Variants in DIAPH2 observed in about 807,000 individuals in gnomAD.
The protein encoded by DIAPH2 is protein diaphanous homolog 2.
DIAPH2 carries 35 observed loss-of-function variants against 92.7 expected under a neutral mutation model. The observed-to-expected ratio is 0.38, with a 90% CI of 0.29 to 0.50. The LOEUF is 0.50. DIAPH2 is among the 20% of genes least tolerant of loss of function. The pLI is 0.94. For missense variants in DIAPH2, 701 were observed against 819.5 expected, an observed-to-expected ratio of 0.86 and a Z score of 1.77; for synonymous variants, 301 against 280.4, an observed-to-expected ratio of 1.07 and a Z score of -0.73.
chrX:97,470,861 A>G (rs1206174891), intron 26 of DIAPH2, among the ~76,000 whole-genome samples: 1 of 110,879 alleles, frequency 9.0e-6, no homozygotes, highest in Non-Finnish European at 1.9e-5. Flanking sequence ...AAGCTTCCAC[A>G]TATATTATTT....
intron 17 of DIAPH2, among the ~76,000 whole-genome samples, chrX:97,008,913 G>T (rs1163480462): frequency 9.0e-6 from 1 of 111,087 alleles, no homozygotes; most frequent in African/African-American, 3.3e-5. Flanking sequence ...AAGGCGTATG[G>T]TAAACACTGC....
At chrX:97,195,726 C>T (rs2067697311) in intron 22 of DIAPH2, among the ~76,000 whole-genome samples, 1 of 108,390 alleles carries the variant, frequency 9.2e-6, no homozygotes, top group African/African-American at 3.4e-5. Context: ...AAGTCTAAGC[C>T]CGCACTGGCC....
chrX:97,403,037 C>A (rs936981706), intron 25 of DIAPH2, among the ~76,000 whole-genome samples: 16 of 111,899 alleles, frequency 1.4e-4, no homozygotes, highest in African/African-American at 4.9e-4. Context: ...TTCAAGATGG[C>A]AGCAGCAGAG....
chrX:96,880,556 T>G (rs1833566890), intron 4 of DIAPH2, among the ~76,000 whole-genome samples: 1 of 111,676 alleles, frequency 9.0e-6, no homozygotes, highest in African/African-American at 3.2e-5. Context: ...TGGGGAAAAA[T>G]TCCTTTCCTT....
At chrX:96,825,445 G>C (rs1370754891) in intron 4 of DIAPH2, among the ~76,000 whole-genome samples, 2 of 105,954 alleles carry the variant, frequency 1.9e-5, no homozygotes, top group South Asian at 4.3e-4. Flanking sequence ...TTTTTAAGTA[G>C]GTTTTTTTAT....
At chrX:97,095,771 G>C (rs1042319001) in intron 19 of DIAPH2, among the ~76,000 whole-genome samples, 8 of 111,929 alleles carry the variant, frequency 7.1e-5, no homozygotes, top group Admixed American at 2.9e-4. Flanking sequence ...AATGTAAAAA[G>C]TAGTTAAAAG....
At chrX:97,167,877 A>C (rs766639053) in intron 22 of DIAPH2, among the ~76,000 whole-genome samples, 15 of 111,191 alleles carry the variant, frequency 1.3e-4, no homozygotes, top group Non-Finnish European at 1.9e-5. Context: ...GCCATTAAAA[A>C]GACTGTTAGG....
chrX:97,237,728 C>T (rs1337944827), intron 22 of DIAPH2, among the ~76,000 whole-genome samples: 2 of 110,411 alleles, frequency 1.8e-5, no homozygotes, highest in African/African-American at 6.6e-5. Context: ...ACCACAGGCG[C>T]CTGCCACCGC....
intron 17 of DIAPH2, among the ~76,000 whole-genome samples, chrX:97,052,277 G>A (rs570389170): frequency 9.0e-5 from 10 of 110,912 alleles, no homozygotes; most frequent in African/African-American, 3.3e-4. Context: ...GTTTGAGGGT[G>A]GGGGAAAGAT....
At chrX:97,190,522 G>A (rs965211490) in intron 22 of DIAPH2, among the ~76,000 whole-genome samples, 13 of 111,919 alleles carry the variant, frequency 1.2e-4, no homozygotes, top group African/African-American at 4.2e-4. Context: ...CCTCACTGGG[G>A]ATGCTGTCCC....
chrX:97,498,613 A>G (rs1208022897), intron 26 of DIAPH2, among the ~76,000 whole-genome samples: 1 of 111,605 alleles, frequency 9.0e-6, no homozygotes, highest in East Asian at 2.8e-4. Context: ...AATATTCTGT[A>G]TATTGAGCCC....
At chrX:97,225,766 G>GA (rs1347646942) in intron 22 of DIAPH2, among the ~76,000 whole-genome samples, 5 of 111,226 alleles carry the variant, frequency 4.5e-5, no homozygotes, top group African/African-American at 6.5e-5. Context: ...GTATTTTTAA[G>GA]AAAAAAACCT....
intron 4 of DIAPH2, among the ~76,000 whole-genome samples, chrX:96,840,002 A>G (rs1048722237): frequency 2.7e-5 from 3 of 112,373 alleles, no homozygotes; most frequent in Non-Finnish European, 5.6e-5. Context: ...AAAAAGTAAA[A>G]AGAAACAGGT....
At chrX:97,413,218 G>C (rs1286265127) in intron 25 of DIAPH2, among the ~76,000 whole-genome samples, 1 of 111,129 alleles carries the variant, frequency 9.0e-6, no homozygotes, top group Non-Finnish European at 1.9e-5. Flanking sequence ...TGATCAAGTT[G>C]GCTTCATCCC....
intron 5 of DIAPH2, among the ~76,000 whole-genome samples, chrX:96,900,392 G>C (rs1459424500): frequency 9.0e-6 from 1 of 110,642 alleles, no homozygotes; most frequent in Non-Finnish European, 1.9e-5. Context: ...GGGTTTTCTT[G>C]GTATGCAATC....
chrX:96,690,814 C>T lies in DIAPH2; in HGVS notation c.132+5624C>T, dbSNP rs776615056. Among the ~76,000 whole-genome samples, 144 of 111,881 alleles carry T rather than the reference C, an allele frequency of 1.3e-3. 1 individual carries two copies. Among genetic ancestry groups the T allele is most frequent in the African/African-American group, 4.2e-3 (131 of 30,837 alleles). ...TCCATTTGATATCTGTGACATTATG[C>T]CTTGTCAGGCAGCTTACTGCCTTTG... On this transcript the variant is annotated intron_variant, in intron 1 of 26. Coordinates refer to ENST00000324765, the MANE Select transcript of DIAPH2 (RefSeq NM_006729.5).
At chrX:97,361,050 C>CTTTTTTTTT (rs1251912605) in intron 24 of DIAPH2, among the ~76,000 whole-genome samples, 3 of 91,635 alleles carry the variant, frequency 3.3e-5, no homozygotes, top group East Asian at 3.4e-4. Context: ...TCTTCTTCTT[C>CTTTTTTTTT]TTTTTTTTTT....
intron 22 of DIAPH2, among the ~76,000 whole-genome samples, chrX:97,186,288 C>T (rs1300536124): frequency 9.0e-6 from 1 of 111,252 alleles, no homozygotes; most frequent in Admixed American, 9.7e-5. Flanking sequence ...GAAAAAGGAA[C>T]AAGAAATGCC....
chrX:97,275,329 G>C (rs866124470), intron 23 of DIAPH2, among the ~76,000 whole-genome samples: 14 of 94,362 alleles, frequency 1.5e-4, no homozygotes, highest in African/African-American at 2.4e-4. Context: ...CTGTCCCCCC[G>C]CCCACCTCCC....
Sources: allele counts gnomAD v4.1 joint callset (sites outside exome capture counted in the v4.1 genomes callset), GRCh38; gene constraint gnomAD v4.1.1; transcripts MANE v1.5; gene names NCBI Gene and HGNC (gene_info 2026-07-23, HGNC 2026-07-21).